Variants in TPD52L1 observed in about 807,000 individuals in gnomAD.
The protein encoded by TPD52L1 is TPD52 like 1, also known as tumor protein D53.
TPD52L1 carries 18 observed loss-of-function variants against 28.7 expected under a neutral mutation model. The observed-to-expected ratio is 0.63, with a 90% confidence interval of 0.43 to 0.93. The LOEUF (loss-of-function observed/expected upper bound fraction) is 0.93, where lower values mean the gene tolerates loss of function less well. TPD52L1 is among the 40% of genes least tolerant of loss of function. The probability of loss-of-function intolerance (pLI) is 0.00; values close to 1 mark genes in which losing one functional copy is unlikely to be tolerated. For missense variants in TPD52L1, 203 were observed against 254.8 expected (o/e 0.80, Z 1.39); for synonymous variants, 75 against 88.8 (o/e 0.84, Z 0.88).
chr6:125,213,304 C>A (rs1490506681), intron 1 of TPD52L1, among the ~76,000 whole-genome samples: 1 of 152,106 alleles, frequency 6.6e-6, no homozygotes, highest in African/African-American at 2.4e-5. Context: ...TTTCCTGTGT[C>A]CTAGCTAGGG....
intron 1 of TPD52L1, among the ~76,000 whole-genome samples, chr6:125,198,106 C>G (rs965945760): frequency 6.6e-6 from 1 of 152,198 alleles, no homozygotes; most frequent in African/African-American, 2.4e-5. Context: ...TGAGTGTGAT[C>G]TTGAACTCTG....
chr6:125,154,339 T>G (rs879795076), intron 1 of TPD52L1: 34 of 1,056,070 alleles, frequency 3.2e-5, no homozygotes, highest in Non-Finnish European at 3.8e-5. Flanking sequence ...CTTGAGGGAG[T>G]GGGGAGGGAA....
intron 2 of TPD52L1, among the ~76,000 whole-genome samples, chr6:125,222,615 G>A (rs1430262724): frequency 2.0e-5 from 3 of 152,136 alleles, no homozygotes; most frequent in Non-Finnish European, 4.4e-5. Context: ...CAAAATAAAA[G>A]CTGTTGGGAC....
intron 1 of TPD52L1, among the ~76,000 whole-genome samples, chr6:125,172,141 TTTC>T (rs1211147912): frequency 0.01 from 809 of 77,924 alleles, 3 homozygotes; most frequent in African/African-American, 0.038. Context: ...TCTTTCTTTC[TTTC>T]TTTCTTTCTT....
At chr6:125,170,264 C>T (rs1791202752) in intron 1 of TPD52L1, among the ~76,000 whole-genome samples, 1 of 151,952 alleles carries the variant, frequency 6.6e-6, no homozygotes, top group African/African-American at 2.4e-5. Context: ...CTCTGAGGCT[C>T]AATTCCAAAA....
chr6:125,233,121 C>G (rs966384142), intron 3 of TPD52L1, among the ~76,000 whole-genome samples: 1 of 152,112 alleles, frequency 6.6e-6, no homozygotes, highest in Non-Finnish European at 1.5e-5. Flanking sequence ...GAAATCCCCC[C>G]ACTAATAAAC....
intron 1 of TPD52L1, among the ~76,000 whole-genome samples, chr6:125,188,815 G>T (rs1444538931): frequency 3.3e-5 from 5 of 152,172 alleles, no homozygotes; most frequent in Non-Finnish European, 7.4e-5. Context: ...ATTTTCACTG[G>T]ACTGGAGAGA....
At chr6:125,241,668 T>C (rs921324200) in intron 3 of TPD52L1, among the ~76,000 whole-genome samples, 2 of 152,144 alleles carry the variant, frequency 1.3e-5, no homozygotes, top group Admixed American at 6.5e-5. Context: ...AGTTGTGATA[T>C]CTCCCATTTC....
chr6:125,196,274 A>G (rs545526504), intron 1 of TPD52L1, among the ~76,000 whole-genome samples: 3 of 152,300 alleles, frequency 2.0e-5, no homozygotes, highest in South Asian at 4.1e-4. Context: ...CTCTCATCCC[A>G]TATCCTTAAG....
chr6:125,198,951 C>T (rs982871816), intron 1 of TPD52L1, among the ~76,000 whole-genome samples: 1 of 152,090 alleles, frequency 6.6e-6, no homozygotes, highest in Non-Finnish European at 1.5e-5. Flanking sequence ...CTGAGAAATC[C>T]GGCGAAATGG....
intron 3 of TPD52L1, among the ~76,000 whole-genome samples, chr6:125,236,491 CAAGT>C (rs1160000176): frequency 6.6e-6 from 1 of 152,086 alleles, no homozygotes; most frequent in Non-Finnish European, 1.5e-5. Context: ...CACACACAAA[CAAGT>C]GTTTAAAAAA....
chr6:125,181,800 C>T (rs896195365), intron 1 of TPD52L1, among the ~76,000 whole-genome samples: 1 of 152,200 alleles, frequency 6.6e-6, no homozygotes, highest in Non-Finnish European at 1.5e-5. Flanking sequence ...GACATATTGT[C>T]TTCTCCCAGA....
intron 3 of TPD52L1, among the ~76,000 whole-genome samples, chr6:125,238,630 T>C (rs553135540): frequency 6.6e-6 from 1 of 152,340 alleles, no homozygotes; most frequent in East Asian, 1.9e-4. Context: ...CCTGAGTTAC[T>C]TCGGTCTCCA....
Position 125,165,050 on chromosome 6 carries a change from C to G in TPD52L1, c.19+11080C>G, listed in dbSNP as rs143157033. On this transcript the variant is annotated intron_variant, in intron 1 of 6. Transcript: ENST00000534000. ...ACCACTTGAGCTCCAGAGTTCAAACCCAGGCTAAGCAAAACCCCTGTCTCT... is the reference window on the plus strand; with the variant it reads ...ACCACTTGAGCTCCAGAGTTCAAACGCAGGCTAAGCAAAACCCCTGTCTCT... 7.3e-5 allele frequency among the ~76,000 whole-genome samples: 6 copies of G among 81,906 alleles called. No homozygotes were observed. The Admixed American group carries it at 8.9e-4, about 12-fold the overall frequency. 53.7% of individuals were successfully genotyped at this position (81,906 alleles called of 152,430 possible).
Position 125,248,156 on chromosome 6 carries a change from G to T in TPD52L1, c.285-126G>T, listed in dbSNP as rs542559459. The T allele has an allele frequency of 6.3e-5, 48 of 766,874 alleles. No individual in the cohort carries two copies. In the African/African-American group the frequency reaches 7.8e-4, roughly 13 times the overall value. 47.5% of individuals were successfully genotyped at this position (766,874 alleles called of 1,614,324 possible). On this transcript the variant is annotated intron_variant, in intron 3 of 6. Coordinates refer to ENST00000534000, the MANE Select transcript of TPD52L1 (RefSeq NM_003287.4). ...CCCCAGACAATGAATGGAAACAGTG[G>T]TTTTGTGGATCTTCTTCCTAAATCT...
chr6:125,250,018 T>G (rs1393940738), intron 4 of TPD52L1, among the ~76,000 whole-genome samples: 1 of 152,176 alleles, frequency 6.6e-6, no homozygotes, highest in Non-Finnish European at 1.5e-5. Context: ...CAAATAAAAT[T>G]TGTAATAATT....
In TPD52L1 at chr6:125,263,978, C is replaced by T. The variant is rs1162106531; in HGVS notation, c.*1016C>T. On this transcript the variant is annotated 3_prime_UTR_variant, in exon 7 of 7. Transcript: ENST00000534000. ...AAATAATCTCCAATTTTAAAATTCT[C>T]TCCAATCTACATACAGTAGTAGTTA... 1 of 152,188 alleles carries T rather than the reference C, an allele frequency of 6.6e-6. No homozygotes were observed. Among genetic ancestry groups the T allele is most frequent in the Non-Finnish European group, 1.5e-5 (1 of 68,034 alleles). 9.4% of individuals were successfully genotyped at this position (152,188 alleles called of 1,614,324 possible).
In TPD52L1 at chr6:125,251,244, G is replaced by A. The variant is rs375210168; in HGVS notation, c.387-2473G>A. On this transcript the variant is annotated intron_variant, in intron 4 of 6. Coordinates refer to ENST00000534000, the MANE Select transcript of TPD52L1 (RefSeq NM_003287.4). ...ACCTTTTATTTTAAACTTCTTTTTG[G>A]TTAAAAGTGTCATATTAGTCTACAT... Among the ~76,000 whole-genome samples, 12 of 152,030 alleles carry A rather than the reference G, an allele frequency of 7.9e-5. 2 individuals are homozygous for A. The highest frequency in any genetic ancestry group is 2.9e-4 in the African/African-American group (12 of 41,484).
At chr6:125,239,220 A>T (rs1443886902) in intron 3 of TPD52L1, among the ~76,000 whole-genome samples, 1 of 152,080 alleles carries the variant, frequency 6.6e-6, no homozygotes, top group Non-Finnish European at 1.5e-5. Flanking sequence ...TTTCTCTGAT[A>T]ATTAGTGATG....
Sources: gnomAD v4.1 joint callset for allele counts (sites outside exome capture counted in the v4.1 genomes callset) on GRCh38, gnomAD v4.1.1 for gene constraint, MANE v1.5 for transcripts, NCBI Gene and HGNC (gene_info 2026-07-23, HGNC 2026-07-21) for gene names.